GRXCR2: variants seen among roughly 807,000 people sequenced by gnomAD.
GRXCR2 encodes the protein glutaredoxin domain-containing cysteine-rich protein 2.
GRXCR2 carries 23 observed loss-of-function variants against 24.8 expected under a neutral mutation model. The ratio of observed to expected loss-of-function variants is 0.93; its 90% CI spans 0.67 to 1.32. GRXCR2 has a LOEUF of 1.32. Among genes scored for constraint, GRXCR2 ranks in the 40% most tolerant of loss-of-function variants. The pLI, the probability that GRXCR2 is intolerant of heterozygous loss-of-function variation, is 0.00. For missense variants in GRXCR2, 315 were observed against 303.4 expected (o/e 1.04, Z -0.28); for synonymous variants, 130 against 116.1 (o/e 1.12, Z -0.77).
chr5:145,927,987 T>G (rs948175169), intron 2 of GRXCR2, among the ~76,000 whole-genome samples: 21 of 152,038 alleles, frequency 1.4e-4, no homozygotes, highest in African/African-American at 3.4e-4. Context: ...GGGAGAAAAT[T>G]TTTGCAATCT....
intron 2 of GRXCR2, among the ~76,000 whole-genome samples, chr5:145,907,361 T>C (rs2149924373): frequency 6.6e-6 from 1 of 152,114 alleles, no homozygotes; most frequent in South Asian, 2.1e-4. Context: ...AAACCCCATC[T>C]CTACTAAAAA....
intron 2 of GRXCR2, among the ~76,000 whole-genome samples, chr5:145,895,891 G>T (rs1196059677): frequency 6.6e-6 from 1 of 152,134 alleles, no homozygotes; most frequent in Non-Finnish European, 1.5e-5. Context: ...ATACTACAAG[G>T]CTACAGTAAC....
chr5:145,923,490 A>G (rs1247727291), intron 2 of GRXCR2, among the ~76,000 whole-genome samples: 1 of 152,250 alleles, frequency 6.6e-6, no homozygotes, highest in Non-Finnish European at 1.5e-5. Flanking sequence ...AGAAGTAAAT[A>G]GATGCCACAA....
intron 2 of GRXCR2, among the ~76,000 whole-genome samples, chr5:145,887,595 T>G (rs1013738810): frequency 6.6e-6 from 1 of 152,140 alleles, no homozygotes; most frequent in Non-Finnish European, 1.5e-5. Context: ...ACCTCAGACT[T>G]CTGAGAAGAT....
At chr5:145,924,356 G>A (rs1757362999) in intron 2 of GRXCR2, among the ~76,000 whole-genome samples, 2 of 152,124 alleles carry the variant, frequency 1.3e-5, no homozygotes, top group South Asian at 4.2e-4. Context: ...GATTTTTATC[G>A]AAATGTTTAT....
intron 2 of GRXCR2, among the ~76,000 whole-genome samples, chr5:145,888,820 T>G (rs984478876): frequency 6.6e-6 from 1 of 152,164 alleles, no homozygotes; most frequent in African/African-American, 2.4e-5. Context: ...TGTGTGTGTA[T>G]AGCTTTACAA....
rs1459536537 is a variant in GRXCR2 at position 145,889,072 on chromosome 5, C to T, written c.-69-22344G>A. Among the ~76,000 whole-genome samples the T allele has an allele frequency of 5.3e-5, 8 of 151,622 alleles. No individual in the cohort carries two copies. In the East Asian group the frequency reaches 5.8e-4, roughly 11 times the overall value. ...GCCTGTAATCCTGAGGCAGGAGAAT[C>T]GCCTGAACCTGGAAGCTGGAGGCAG... On this transcript the variant is annotated intron_variant, in intron 2 of 3. Coordinates refer to the GRXCR2 transcript ENST00000639411.
At chr5:145,905,533 G>A (rs749757455) in intron 2 of GRXCR2, among the ~76,000 whole-genome samples, 15 of 152,166 alleles carry the variant, frequency 9.9e-5, no homozygotes, top group Non-Finnish European at 1.8e-4. Context: ...AAAGAATTTA[G>A]AGTCCAATAG....
chr5:145,896,093 A>G (rs1756943873), intron 2 of GRXCR2, among the ~76,000 whole-genome samples: 1 of 152,168 alleles, frequency 6.6e-6, no homozygotes, highest in Non-Finnish European at 1.5e-5. Flanking sequence ...AGAAAGCTGA[A>G]ACTGGATCCC....
chr5:145,919,868 A>G (rs1757299335), intron 2 of GRXCR2, among the ~76,000 whole-genome samples: 1 of 152,166 alleles, frequency 6.6e-6, no homozygotes, highest in Non-Finnish European at 1.5e-5. Context: ...CAACCTCCCC[A>G]AAACATGTCC....
chr5:145,897,809 C>A (rs1369405523), intron 2 of GRXCR2, among the ~76,000 whole-genome samples: 1 of 152,072 alleles, frequency 6.6e-6, no homozygotes, highest in African/African-American at 2.4e-5. Context: ...CTCTGGGATG[C>A]AGCAAAGGCA....
chr5:145,870,476 A>C (rs113004958), intron 1 of GRXCR2, among the ~76,000 whole-genome samples: 1 of 152,164 alleles, frequency 6.6e-6, no homozygotes, highest in Non-Finnish European at 1.5e-5. Context: ...TTATCCATTC[A>C]TCAGTCTATG....
At chr5:145,896,811 G>A (rs1371884256) in intron 2 of GRXCR2, among the ~76,000 whole-genome samples, 1 of 152,018 alleles carries the variant, frequency 6.6e-6, no homozygotes, top group African/African-American at 2.4e-5. Context: ...TATGAATCAT[G>A]CTGCTATAAA....
chr5:145,873,426 G>A (rs1375445374), upstream of GRXCR2, among the ~76,000 whole-genome samples: 10 of 152,248 alleles, frequency 6.6e-5, no homozygotes, highest in East Asian at 1.7e-3. Flanking sequence ...TCATCCTCAC[G>A]ATAACCCTAC....
At chr5:145,893,744 G>T (rs922879452) in intron 2 of GRXCR2, among the ~76,000 whole-genome samples, 2 of 152,064 alleles carry the variant, frequency 1.3e-5, no homozygotes, top group African/African-American at 4.8e-5. Flanking sequence ...ATTTAACAAG[G>T]ATATCCAGGA....
At chr5:145,866,820 G>A in intron 1 of GRXCR2, 92 bp from the exon 2 acceptor site, 2 of 776,684 alleles carry the variant, frequency 2.6e-6, no homozygotes, top group South Asian at 3.3e-5. Context: ...AAACAGCAGA[G>A]AAGGAACTTC....
rs775036126 is a variant in GRXCR2 at position 145,872,990 on chromosome 5, G to A, written c.-22C>T. The A allele has an allele frequency of 6.2e-7, 1 of 1,604,964 alleles. No homozygotes were observed. The highest frequency in any genetic ancestry group is 1.1e-5 in the South Asian group (1 of 90,664). On this transcript the variant is annotated 5_prime_UTR_variant, in exon 1 of 3. Coordinates refer to ENST00000377976, the MANE Select transcript of GRXCR2 (RefSeq NM_001080516.2). ...CCATCAGCAGAAAGTTGACCCTGTG[G>A]TCTCCAGCCTTCCGTGCAGCCGGTG...
chr5:145,900,976 G>T (rs565106123), intron 2 of GRXCR2, among the ~76,000 whole-genome samples: 4 of 152,194 alleles, frequency 2.6e-5, no homozygotes, highest in Non-Finnish European at 4.4e-5. Flanking sequence ...AAGAACCAAA[G>T]CATGTCCTTT....
intron 2 of GRXCR2, among the ~76,000 whole-genome samples, chr5:145,910,252 C>T (rs184523724): frequency 5.3e-5 from 8 of 152,214 alleles, no homozygotes; most frequent in African/African-American, 1.9e-4. Flanking sequence ...TTCTGAAACT[C>T]GGGGTCCAGT....
Sources: allele counts gnomAD v4.1 joint callset (sites outside exome capture counted in the v4.1 genomes callset), GRCh38; gene constraint gnomAD v4.1.1; transcripts MANE v1.5; gene names NCBI Gene and HGNC (gene_info 2026-07-23, HGNC 2026-07-21).